The following UNC80 variants were observed in gnomAD, a reference collection of about 807,000 sequenced individuals.
UNC80 encodes unc-80 subunit of NALCN channel complex, also known as protein unc-80 homolog.
UNC80 carries 164 observed loss-of-function variants against 384.6 expected under a neutral mutation model. The observed-to-expected ratio is 0.43, with a 90% CI of 0.38 to 0.49. The LOEUF (loss-of-function observed/expected upper bound fraction) is 0.49, where lower values mean the gene tolerates loss of function less well. Among genes scored for constraint, UNC80 ranks in the 20% least tolerant of loss-of-function variants. The pLI, the probability that UNC80 is intolerant of heterozygous loss-of-function variation, is 0.00. For synonymous variants in UNC80, 1,486 were observed against 1,527.8 expected, an observed-to-expected ratio of 0.97 and a Z score of 0.64; for missense variants, 3,330 against 4,143.0, an observed-to-expected ratio of 0.80 and a Z score of 5.39.
chr2:209,994,450 G>GC (rs2093448959), intron 64 of UNC80, among the ~76,000 whole-genome samples, 186 bp downstream of exon 64: 1 of 152,160 alleles, frequency 6.6e-6, no homozygotes, highest in Non-Finnish European at 1.5e-5. Flanking sequence ...GCATATATCT[G>GC]CTTAAGAAGG....
At chr2:209,955,910 A>G (rs1203780028) in intron 48 of UNC80, among the ~76,000 whole-genome samples, 4 of 150,828 alleles carry the variant, frequency 2.7e-5, no homozygotes, top group Admixed American at 1.3e-4. Context: ...GGCCCCGATA[A>G]TTTTTGTATT....
Position 209,849,530 on chromosome 2 carries a change from C to T in UNC80, c.3534C>T (p.Ile1178=). The T allele has an allele frequency of 6.4e-7, 1 of 1,551,046 alleles. No individual in the cohort carries two copies. The highest frequency in any genetic ancestry group is 8.7e-7 in the Non-Finnish European group (1 of 1,146,562). The stretch of plus-strand genomic sequence containing the variant: ...AAAACGTGGTGAATCTTGGAGCAAT[C>T]CGACAAGGCATGAAACGCTTCCAAT... The part of the protein sequence containing the change: ...KSKNVVNLGA[I]RQGMKRFQFL... Residue 1178 remains isoleucine, a synonymous_variant, in exon 22 of 65, where the codon ATC becomes ATT. Coordinates refer to ENST00000673920, the MANE Select transcript of UNC80 (RefSeq NM_001371986.1).
intron 7 of UNC80, among the ~76,000 whole-genome samples, chr2:209,799,423 T>G (rs2078391716): frequency 6.6e-6 from 1 of 152,238 alleles, no homozygotes; most frequent in African/African-American, 2.4e-5. Flanking sequence ...ACATTGATTT[T>G]GTATACTGAG....
intron 61 of UNC80, among the ~76,000 whole-genome samples, chr2:209,990,192 C>A (rs2125030671): frequency 6.6e-6 from 1 of 152,246 alleles, no homozygotes. Flanking sequence ...GAGTAACATG[C>A]ATTTCTTTTC....
chr2:209,808,804 A>G (rs1057156915), intron 7 of UNC80: 2 of 27,900 alleles, frequency 7.2e-5, no homozygotes, highest in South Asian at 2.1e-4. Context: ...CTCTGCCACC[A>G]TGCCGCGCTC....
chr2:209,950,335 T>TA (rs1302618654), intron 47 of UNC80, among the ~76,000 whole-genome samples: 32 of 150,994 alleles, frequency 2.1e-4, no homozygotes, highest in African/African-American at 5.8e-4. Flanking sequence ...ATGCTTTTTT[T>TA]AAAAAAAAAA....
intron 22 of UNC80, among the ~76,000 whole-genome samples, chr2:209,863,834 C>T (rs537436959): frequency 6.6e-6 from 1 of 152,126 alleles, no homozygotes; most frequent in African/African-American, 2.4e-5. Flanking sequence ...AAGCCTACTT[C>T]TGTCAATTTG....
At chr2:209,899,204 TA>T (rs953128733) in intron 28 of UNC80, among the ~76,000 whole-genome samples, 2 of 152,024 alleles carry the variant, frequency 1.3e-5, no homozygotes, top group African/African-American at 4.8e-5. Context: ...ACATGGTGTA[TA>T]AAAAAAATTA....
chr2:209,938,734 G>A (rs952281973), intron 42 of UNC80, among the ~76,000 whole-genome samples: 3 of 151,314 alleles, frequency 2.0e-5, no homozygotes, highest in African/African-American at 7.3e-5. Context: ...GTGTGTGTGT[G>A]TGTCTATTCA....
At chr2:209,870,353 A>T (rs1479159081) in intron 22 of UNC80, among the ~76,000 whole-genome samples, 1 of 152,102 alleles carries the variant, frequency 6.6e-6, no homozygotes, top group East Asian at 1.9e-4. Flanking sequence ...AGATTTGCAT[A>T]TCTGAACTGT....
chr2:209,884,169 A>T (rs2085561298), intron 25 of UNC80, among the ~76,000 whole-genome samples: 1 of 152,224 alleles, frequency 6.6e-6, no homozygotes, highest in South Asian at 2.1e-4. Flanking sequence ...TAAACTTGAG[A>T]ACAACAAAGG....
intron 8 of UNC80, among the ~76,000 whole-genome samples, chr2:209,814,246 T>G (rs1350952459): frequency 1.3e-5 from 2 of 152,170 alleles, no homozygotes; most frequent in Non-Finnish European, 2.9e-5. Flanking sequence ...AGTGTCTTTT[T>G]TTTTTTTGAG....
At chr2:209,794,986 G>A (rs2078064767) in intron 7 of UNC80, 3 of 330,934 alleles carry the variant, frequency 9.1e-6, no homozygotes, top group African/African-American at 2.2e-5. Context: ...AGCAACTTTG[G>A]AACTGGGTAA....
intron 45 of UNC80, 106 bp from the exon 46 acceptor site, chr2:209,944,945 T>C (rs568309819): frequency 1.6e-6 from 2 of 1,252,996 alleles, no homozygotes; most frequent in South Asian, 3.0e-5. Context: ...TCCAGGTAGA[T>C]GTTGTACTTG....
intron 7 of UNC80, chr2:209,795,399 G>A (rs1417435914): frequency 6.6e-6 from 1 of 152,264 alleles, no homozygotes; most frequent in Non-Finnish European, 1.5e-5. Flanking sequence ...GCCTGACTAT[G>A]CAACAGAAAA....
intron 4 of UNC80, among the ~76,000 whole-genome samples, chr2:209,782,571 TATC>T (rs1223591962): frequency 2.0e-5 from 3 of 152,130 alleles, no homozygotes; most frequent in African/African-American, 4.8e-5. Flanking sequence ...TTGTAGGAAT[TATC>T]ATTGTACCCG....
In UNC80 at chr2:209,995,970, T is replaced by G. The variant is rs2093477566; in HGVS notation, c.*375T>G. ...AAAATAGAATGCAATTTTTTGAGAT[T>G]ACTCACATTATACATCTCATGCAAA... On this transcript the variant is annotated 3_prime_UTR_variant, in exon 65 of 65. Transcript: ENST00000673920. 5.9e-6 allele frequency: 1 copy of G among 170,234 alleles called. No homozygotes were observed. Among genetic ancestry groups the G allele is most frequent in the South Asian group, 1.4e-4 (1 of 6,942 alleles). 10.5% of individuals were successfully genotyped at this position (170,234 alleles called of 1,614,324 possible).
intron 61 of UNC80, among the ~76,000 whole-genome samples, chr2:209,986,000 C>G (rs577822859): frequency 6.6e-6 from 1 of 152,136 alleles, no homozygotes; most frequent in Admixed American, 6.5e-5. Flanking sequence ...TTTGCCAGCC[C>G]TTGCCTTGAC....
intron 22 of UNC80, chr2:209,869,260 T>G (rs924494801): frequency 9.2e-5 from 14 of 152,172 alleles, no homozygotes; most frequent in Admixed American, 5.9e-4. Flanking sequence ...AGAGGGAAAA[T>G]TGACTTTCCT....
Sources: allele counts gnomAD v4.1 joint callset (sites outside exome capture counted in the v4.1 genomes callset), GRCh38; gene constraint gnomAD v4.1.1; transcripts MANE v1.5; gene names NCBI Gene and HGNC (gene_info 2026-07-23, HGNC 2026-07-21).